SGCZ: variants seen among roughly 807,000 people sequenced by gnomAD.
SGCZ encodes zeta-sarcoglycan.
SGCZ carries 40 observed loss-of-function variants against 41.3 expected under a neutral mutation model. The observed-to-expected ratio is 0.97, with a 90% CI of 0.75 to 1.26. SGCZ has a LOEUF of 1.26. SGCZ is among the 50% of genes most tolerant of loss of function. SGCZ has a pLI of 0.00. For synonymous variants in SGCZ, 206 were observed against 137.5 expected (o/e 1.50, Z -3.49); for missense variants, 552 against 369.8 (o/e 1.49, Z -4.04).
At chr8:15,172,154 G>GT (rs1183210302) in intron 1 of SGCZ, among the ~76,000 whole-genome samples, 6,543 of 70,996 alleles carry the variant, frequency 0.092, 826 homozygotes, top group African/African-American at 0.15. Flanking sequence ...TTTATACTCT[G>GT]TTTTTTTTTT....
intron 1 of SGCZ, among the ~76,000 whole-genome samples, chr8:15,085,499 G>T (rs556326718): frequency 1.3e-5 from 2 of 152,216 alleles, no homozygotes; most frequent in East Asian, 3.9e-4. Context: ...GAGTGGCATT[G>T]TCAATTTCAC....
At chr8:14,942,250 A>G in intron 1 of SGCZ, among the ~76,000 whole-genome samples, 1 of 152,258 alleles carries the variant, frequency 6.6e-6, no homozygotes, top group East Asian at 1.9e-4. Flanking sequence ...GGGAGACATA[A>G]AATCTGAATA....
chr8:15,178,308 A>T (rs1383624946), intron 1 of SGCZ, among the ~76,000 whole-genome samples: 1 of 152,112 alleles, frequency 6.6e-6, no homozygotes, highest in African/African-American at 2.4e-5. Flanking sequence ...CCAATCACCT[A>T]AATATTACAG....
intron 2 of SGCZ, among the ~76,000 whole-genome samples, chr8:14,551,259 G>C (rs2117177711): frequency 6.9e-6 from 1 of 145,588 alleles, no homozygotes; most frequent in East Asian, 2.1e-4. Flanking sequence ...TATTTAGAAT[G>C]AGTGTTGACG....
chr8:14,454,768 A>G (rs1800694862), intron 2 of SGCZ, among the ~76,000 whole-genome samples: 1 of 152,220 alleles, frequency 6.6e-6, no homozygotes, highest in Admixed American at 6.5e-5. Context: ...GTGACATTTC[A>G]AATCACTAAC....
chr8:14,448,995 G>A (rs550126184), intron 2 of SGCZ, among the ~76,000 whole-genome samples: 27 of 152,156 alleles, frequency 1.8e-4, no homozygotes, highest in Non-Finnish European at 3.8e-4. Flanking sequence ...TATTTACTGT[G>A]CAAACACAAG....
intron 4 of SGCZ, among the ~76,000 whole-genome samples, chr8:14,171,110 T>G (rs549079389): frequency 2.0e-5 from 3 of 150,708 alleles, no homozygotes; most frequent in African/African-American, 7.3e-5. Flanking sequence ...ATGTTTTGCA[T>G]TGCATCTTGT....
intron 1 of SGCZ, among the ~76,000 whole-genome samples, chr8:14,639,287 T>C (rs900168820): frequency 1.3e-5 from 2 of 151,628 alleles, no homozygotes; most frequent in African/African-American, 4.8e-5. Flanking sequence ...ATTAGTGCCT[T>C]ACCACTAATA....
At chr8:14,150,731 G>A (rs565430516) in intron 5 of SGCZ, among the ~76,000 whole-genome samples, 2 of 152,078 alleles carry the variant, frequency 1.3e-5, no homozygotes, top group Non-Finnish European at 2.9e-5. Flanking sequence ...GCCTGTGTTT[G>A]TTGCAGCATT....
chr8:14,343,439 A>G (rs1401964935), intron 2 of SGCZ, among the ~76,000 whole-genome samples: 1 of 152,218 alleles, frequency 6.6e-6, no homozygotes, highest in African/African-American at 2.4e-5. Flanking sequence ...GGAGGGACTA[A>G]GATCCTGGGA....
At position 14,439,331 on chromosome 8, in the gene SGCZ, C is replaced by A. The variant is rs1415035907; in HGVS notation, c.235-115127G>T. Among the ~76,000 whole-genome samples, 6 of 116,214 alleles carry A rather than the reference C, an allele frequency of 5.2e-5. 1 individual carries two copies. The highest frequency in any genetic ancestry group is 2.6e-4 in the Admixed American group (3 of 11,606). 76.2% of individuals were successfully genotyped at this position (116,214 alleles called of 152,430 possible). On this transcript the variant is annotated intron_variant, in intron 2 of 7. Transcript: ENST00000382080. The stretch of plus-strand genomic sequence containing the variant: ...AAGAAATATATATATATATATATAT[C>A]TCCTCATGGATTTTCTGGAAATTTC...
At chr8:14,712,902 G>C (rs2130142132) in intron 1 of SGCZ, among the ~76,000 whole-genome samples, 1 of 151,934 alleles carries the variant, frequency 6.6e-6, no homozygotes, top group African/African-American at 2.4e-5. Flanking sequence ...AATGTGACCT[G>C]GTTTTTAAAC....
intron 5 of SGCZ, among the ~76,000 whole-genome samples, chr8:14,134,054 G>A (rs190862843): frequency 1.2e-4 from 19 of 152,244 alleles, no homozygotes; most frequent in Admixed American, 1.1e-3. Flanking sequence ...ACATTATGAT[G>A]TATAAAAATG....
At chr8:14,940,485 A>T (rs903412430) in intron 1 of SGCZ, among the ~76,000 whole-genome samples, 14 of 152,174 alleles carry the variant, frequency 9.2e-5, no homozygotes, top group African/African-American at 3.4e-4. Context: ...TAAAGTTCAC[A>T]CATTTCCTAA....
At chr8:14,304,609 G>A (rs1468707046) in intron 3 of SGCZ, among the ~76,000 whole-genome samples, 1 of 151,950 alleles carries the variant, frequency 6.6e-6, no homozygotes, top group Non-Finnish European at 1.5e-5. Context: ...TGAAATGAAA[G>A]TATTTTTATA....
intron 2 of SGCZ, among the ~76,000 whole-genome samples, chr8:14,394,189 T>G (rs996443972): frequency 6.8e-6 from 1 of 146,724 alleles, no homozygotes; most frequent in African/African-American, 2.6e-5. Context: ...CTCACTCTGT[T>G]GCCCAGGCTG....
chr8:14,093,027 T>C (rs1358064371), intron 7 of SGCZ, among the ~76,000 whole-genome samples: 1 of 151,990 alleles, frequency 6.6e-6, no homozygotes, highest in Non-Finnish European at 1.5e-5. Context: ...GGCTCTGACA[T>C]GCATGGAGAA....
chr8:14,304,166 G>T (rs1452852700), intron 3 of SGCZ, among the ~76,000 whole-genome samples: 2 of 152,128 alleles, frequency 1.3e-5, no homozygotes, highest in Non-Finnish European at 2.9e-5. Flanking sequence ...ATAGGTGCTG[G>T]ATGTTGTAGC....
At chr8:14,940,577 G>T (rs1350013907) in intron 1 of SGCZ, among the ~76,000 whole-genome samples, 1 of 152,028 alleles carries the variant, frequency 6.6e-6, no homozygotes, top group African/African-American at 2.4e-5. Flanking sequence ...ATTGGCTAAA[G>T]ATTTAAACAT....
Sources: gnomAD v4.1 joint callset for allele counts (sites outside exome capture counted in the v4.1 genomes callset) on GRCh38, gnomAD v4.1.1 for gene constraint, MANE v1.5 for transcripts, NCBI Gene and HGNC (gene_info 2026-07-23, HGNC 2026-07-21) for gene names.